LUZP2: variants seen among roughly 807,000 people sequenced by gnomAD.
LUZP2 encodes the protein leucine zipper protein 2.
A neutral mutation model predicts 51.6 loss-of-function variants in LUZP2; 52 were observed. The observed-to-expected ratio is 1.01, with a 90% CI of 0.81 to 1.27. The LOEUF is 1.27. Ranked by LOEUF, LUZP2 falls within the 50% of genes most tolerant of loss-of-function variation. The pLI, the probability that LUZP2 is intolerant of heterozygous loss-of-function variation, is 0.00. For synonymous variants in LUZP2, 154 were observed against 137.3 expected (o/e 1.12, Z -0.85); for missense variants, 436 against 395.4 (o/e 1.10, Z -0.87).
intron 9 of LUZP2, among the ~76,000 whole-genome samples, chr11:25,014,084 CT>C (rs1254210605): frequency 6.6e-6 from 1 of 152,102 alleles, no homozygotes; most frequent in Admixed American, 6.6e-5. Flanking sequence ...TGAACTCATC[CT>C]TTTTTATGGC....
intron 1 of LUZP2, among the ~76,000 whole-genome samples, chr11:24,654,820 C>T (rs1158204781): frequency 6.9e-6 from 1 of 144,458 alleles, no homozygotes; most frequent in Non-Finnish European, 1.6e-5. Context: ...CCACCGCGCC[C>T]GGCCTACTTT....
intron 4 of LUZP2, among the ~76,000 whole-genome samples, chr11:24,761,760 T>C (rs1859987292): frequency 6.6e-6 from 1 of 152,180 alleles, no homozygotes; most frequent in Non-Finnish European, 1.5e-5. Context: ...CTACAATAAA[T>C]TAACTGGTAT....
intron 1 of LUZP2, among the ~76,000 whole-genome samples, chr11:24,579,131 T>C (rs1852762519): frequency 6.6e-6 from 1 of 152,124 alleles, no homozygotes; most frequent in Non-Finnish European, 1.5e-5. Flanking sequence ...ATTCATTAAA[T>C]CAATAGGAAT....
chr11:25,008,516 C>T (rs2133954233), intron 9 of LUZP2, among the ~76,000 whole-genome samples: 1 of 152,294 alleles, frequency 6.6e-6, no homozygotes, highest in East Asian at 1.9e-4. Context: ...CATTTGGTTC[C>T]TCCATTTGCA....
At chr11:24,648,570 TTTC>T (rs1855531906) in intron 1 of LUZP2, among the ~76,000 whole-genome samples, 1 of 151,950 alleles carries the variant, frequency 6.6e-6, no homozygotes, top group Admixed American at 6.6e-5. Context: ...AGCTGGAGGA[TTTC>T]TTCCAGAAAC....
At chr11:25,009,894 T>C (rs369516480) in intron 9 of LUZP2, among the ~76,000 whole-genome samples, 8 of 152,290 alleles carry the variant, frequency 5.3e-5, no homozygotes, top group African/African-American at 1.9e-4. Flanking sequence ...ACCTTTCCTT[T>C]CCCCTTCATC....
intron 1 of LUZP2, among the ~76,000 whole-genome samples, chr11:24,536,421 G>C (rs555353567): frequency 3.4e-4 from 51 of 151,938 alleles, no homozygotes; most frequent in Middle Eastern, 3.4e-3. Context: ...CAATGGTCTT[G>C]CTTAGATCTT....
chr11:24,869,291 C>T (rs886847447), intron 5 of LUZP2, among the ~76,000 whole-genome samples: 2 of 152,034 alleles, frequency 1.3e-5, no homozygotes, highest in Non-Finnish European at 2.9e-5. Flanking sequence ...TTGCACTTAG[C>T]TTCAATGAGC....
intron 9 of LUZP2, among the ~76,000 whole-genome samples, chr11:25,041,966 CT>C (rs1345067873): frequency 6.6e-6 from 1 of 152,120 alleles, no homozygotes; most frequent in Non-Finnish European, 1.5e-5. Context: ...AATCTAATGT[CT>C]GATGATATGA....
At chr11:24,916,576 C>T (rs917089044) in intron 7 of LUZP2, among the ~76,000 whole-genome samples, 3 of 151,930 alleles carry the variant, frequency 2.0e-5, no homozygotes, top group African/African-American at 4.8e-5. Flanking sequence ...TGAGTGAGAA[C>T]GTGTGGTGTT....
At chr11:24,950,480 G>C (rs1430534134) in intron 7 of LUZP2, among the ~76,000 whole-genome samples, 1 of 151,534 alleles carries the variant, frequency 6.6e-6, no homozygotes, top group Non-Finnish European at 1.5e-5. Flanking sequence ...TCCAAGCCAG[G>C]TGAAATAAAT....
chr11:24,529,809 A>G (rs562329118), intron 1 of LUZP2, among the ~76,000 whole-genome samples: 2 of 151,110 alleles, frequency 1.3e-5, no homozygotes, highest in African/African-American at 4.8e-5. Context: ...TGTATAAACA[A>G]AATCTATCAA....
chr11:24,910,628 G>T (rs1167548672), intron 6 of LUZP2, among the ~76,000 whole-genome samples: 2 of 152,208 alleles, frequency 1.3e-5, no homozygotes, highest in African/African-American at 4.8e-5. Flanking sequence ...GTCAAGAATT[G>T]AGGTTTGGGA....
chr11:24,536,522 T>C (rs929430303), intron 1 of LUZP2, among the ~76,000 whole-genome samples: 3 of 151,870 alleles, frequency 2.0e-5, no homozygotes, highest in African/African-American at 7.2e-5. Flanking sequence ...TTAAATCTTA[T>C]GAACCAAACT....
intron 1 of LUZP2, among the ~76,000 whole-genome samples, chr11:24,537,692 T>A (rs146090458): frequency 6.6e-6 from 1 of 152,014 alleles, no homozygotes; most frequent in East Asian, 1.9e-4. Flanking sequence ...AAAATTAGTT[T>A]CAGTCTAGTC....
intron 5 of LUZP2, among the ~76,000 whole-genome samples, chr11:24,846,767 G>A (rs1434214582): frequency 1.3e-5 from 2 of 151,848 alleles, no homozygotes; most frequent in Non-Finnish European, 2.9e-5. Flanking sequence ...ATAATCCGCA[G>A]TTATTTGACA....
intron 7 of LUZP2, among the ~76,000 whole-genome samples, chr11:24,935,808 A>G (rs2133841097): frequency 6.6e-6 from 1 of 152,318 alleles, no homozygotes; most frequent in African/African-American, 2.4e-5. Context: ...AAATTTGGAA[A>G]GAATGGTAAA....
intron 1 of LUZP2, among the ~76,000 whole-genome samples, chr11:24,572,041 A>G (rs1852460811): frequency 6.6e-6 from 1 of 151,990 alleles, no homozygotes; most frequent in Non-Finnish European, 1.5e-5. Flanking sequence ...ATTTATGTGT[A>G]TGTGGAGCAT....
intron 1 of LUZP2, among the ~76,000 whole-genome samples, chr11:24,627,504 T>G (rs1368654337): frequency 6.6e-6 from 1 of 152,186 alleles, no homozygotes; most frequent in Non-Finnish European, 1.5e-5. Context: ...ATCAGGTATT[T>G]AACTATTATA....
Sources: gnomAD v4.1 joint callset for allele counts (sites outside exome capture counted in the v4.1 genomes callset) on GRCh38, gnomAD v4.1.1 for gene constraint, MANE v1.5 for transcripts, NCBI Gene and HGNC (gene_info 2026-07-23, HGNC 2026-07-21) for gene names.